The following KCTD16 variants were observed in gnomAD, a reference collection of about 807,000 sequenced individuals.
KCTD16 encodes BTB/POZ domain-containing protein KCTD16.
KCTD16 carries 13 observed loss-of-function variants against 33.2 expected under a neutral mutation model. That is an observed-to-expected ratio of 0.39 (90% CI 0.25 to 0.62). The LOEUF is 0.62. Ranked by LOEUF, KCTD16 falls within the 20% of genes least tolerant of loss-of-function variation. The pLI, the probability that KCTD16 is intolerant of heterozygous loss-of-function variation, is 0.50. For missense variants in KCTD16, 441 were observed against 525.1 expected (o/e 0.84, Z 1.57); for synonymous variants, 197 against 195.3 (o/e 1.01, Z -0.07).
chr5:144,455,900 A>T (rs558512242), intron 3 of KCTD16, among the ~76,000 whole-genome samples: 9 of 152,214 alleles, frequency 5.9e-5, no homozygotes, highest in Non-Finnish European at 1.3e-4. Context: ...AGAAGTGAAC[A>T]CTGTGCCCAG....
intron 3 of KCTD16, among the ~76,000 whole-genome samples, chr5:144,345,165 T>G (rs954999725): frequency 7.9e-6 from 1 of 126,342 alleles, no homozygotes; most frequent in Admixed American, 1.0e-4. Flanking sequence ...TGAGAACACA[T>G]GGACACAGGA....
chr5:144,411,819 G>T lies in KCTD16; in HGVS notation c.833-61841G>T, dbSNP rs528947288. Among the ~76,000 whole-genome samples, 305 of 152,116 alleles carry T rather than the reference G, an allele frequency of 2.0e-3. 1 individual carries two copies. The highest frequency in any genetic ancestry group is 7.1e-3 in the African/African-American group (293 of 41,524). On this transcript the variant is annotated intron_variant, in intron 3 of 3. Coordinates refer to ENST00000512467, the MANE Select transcript of KCTD16 (RefSeq NM_020768.4). ...GATTAATAACCACAACATACAAGGA[G>T]CTCAAGCAACTCAATAGCAAAAATA... is the stretch of plus-strand genomic sequence containing the variant.
At chr5:144,286,490 C>T (rs187932551) in intron 3 of KCTD16, among the ~76,000 whole-genome samples, 5 of 152,328 alleles carry the variant, frequency 3.3e-5, no homozygotes, top group Admixed American at 2.6e-4. Flanking sequence ...TTGAGCTGCA[C>T]TACTTAACAA....
At chr5:144,429,536 A>G (rs1673905439) in intron 3 of KCTD16, among the ~76,000 whole-genome samples, 1 of 152,068 alleles carries the variant, frequency 6.6e-6, no homozygotes, top group Admixed American at 6.6e-5. Context: ...GTTGGATCAC[A>G]TACCTCTCTT....
chr5:144,212,566 A>C (rs1256061152), intron 3 of KCTD16, among the ~76,000 whole-genome samples: 2 of 152,214 alleles, frequency 1.3e-5, no homozygotes, highest in Admixed American at 1.3e-4. Context: ...GAAGTAGCTG[A>C]GAATGTGCCA....
rs1367389589 is a variant in KCTD16, at chr5:144,485,410, TA to T, written c.*11302del. 1.3e-5 allele frequency: 2 copies of T among 151,926 alleles called. No individual in the cohort carries two copies. Among genetic ancestry groups the T allele is most frequent in the Non-Finnish European group, 2.9e-5 (2 of 67,900 alleles). The allele number at this position is 151,926 out of a possible 1,614,324, so 9.4% of individuals were successfully genotyped here. On this transcript the variant is annotated 3_prime_UTR_variant, in exon 4 of 4. Coordinates refer to ENST00000512467, the MANE Select transcript of KCTD16 (RefSeq NM_020768.4). ...TTTTCTTTGGATTCATTGATGGATA[TA>T]AAAAATTAATTTGCTATTAACTGCT...
chr5:144,196,464 C>T (rs1337402270), intron 2 of KCTD16, among the ~76,000 whole-genome samples: 3 of 152,098 alleles, frequency 2.0e-5, no homozygotes, highest in Non-Finnish European at 4.4e-5. Flanking sequence ...ATTATTTCTC[C>T]ATCCCTAGCC....
intron 3 of KCTD16, among the ~76,000 whole-genome samples, chr5:144,304,007 T>C (rs530841237): frequency 3.1e-4 from 47 of 152,294 alleles, no homozygotes; most frequent in African/African-American, 1.1e-3. Context: ...ATAATTGCCA[T>C]TTTACCACTC....
At chr5:144,449,165 T>A (rs1753886957) in intron 3 of KCTD16, among the ~76,000 whole-genome samples, 1 of 151,984 alleles carries the variant, frequency 6.6e-6, no homozygotes, top group Non-Finnish European at 1.5e-5. Context: ...GAGCAGATGG[T>A]CTCTTTTTCA....
intron 3 of KCTD16, among the ~76,000 whole-genome samples, chr5:144,389,685 GT>G (rs771513390): frequency 4.0e-4 from 60 of 151,598 alleles, no homozygotes; most frequent in Non-Finnish European, 7.7e-4. Context: ...GGAAAAAATT[GT>G]CTTCCACGAA....
At chr5:144,418,824 G>C (rs910872997) in intron 3 of KCTD16, among the ~76,000 whole-genome samples, 2 of 152,078 alleles carry the variant, frequency 1.3e-5, no homozygotes, top group African/African-American at 4.8e-5. Flanking sequence ...TGTATATCGA[G>C]TTGTATCACA....
intron 3 of KCTD16, among the ~76,000 whole-genome samples, chr5:144,300,729 G>T (rs549649330): frequency 3.9e-5 from 6 of 152,224 alleles, no homozygotes; most frequent in African/African-American, 1.4e-4. Context: ...ATGTGGTTGG[G>T]CAAAACAGGA....
intron 3 of KCTD16, among the ~76,000 whole-genome samples, chr5:144,222,119 T>C (rs1371312807): frequency 6.6e-6 from 1 of 152,120 alleles, no homozygotes; most frequent in Non-Finnish European, 1.5e-5. Flanking sequence ...TTGTTTGTTT[T>C]TTTCTTGTGA....
chr5:144,200,424 G>A (rs1476052686), intron 2 of KCTD16, among the ~76,000 whole-genome samples: 1 of 152,190 alleles, frequency 6.6e-6, no homozygotes, highest in East Asian at 1.9e-4. Context: ...GATTATACAA[G>A]TCTAATCCAA....
chr5:144,334,191 C>T (rs1752423560), intron 3 of KCTD16, among the ~76,000 whole-genome samples: 1 of 152,142 alleles, frequency 6.6e-6, no homozygotes, highest in Admixed American at 6.5e-5. Flanking sequence ...ATTTATAAAT[C>T]TCCACTCAGA....
chr5:144,299,072 A>T (rs865924344), intron 3 of KCTD16, among the ~76,000 whole-genome samples: 1,031 of 57,374 alleles, frequency 0.018, 82 homozygotes, highest in African/African-American at 0.052. Flanking sequence ...ATATATATAT[A>T]TTTTTGTATA....
intron 3 of KCTD16, among the ~76,000 whole-genome samples, chr5:144,253,206 T>C (rs1754751596): frequency 6.6e-6 from 1 of 152,154 alleles, no homozygotes; most frequent in African/African-American, 2.4e-5. Flanking sequence ...TGCAGGTAGA[T>C]ACACATCTAC....
intron 3 of KCTD16, among the ~76,000 whole-genome samples, chr5:144,299,072 A>ATATATATATATATATATATTTT (rs1491103244): frequency 1.6e-4 from 9 of 57,432 alleles, no homozygotes; most frequent in Non-Finnish European, 2.7e-4. Context: ...ATATATATAT[A>ATATATATATATATATATATTTT]TTTTTGTATA....
chr5:144,274,747 T>C (rs940121412), intron 3 of KCTD16, among the ~76,000 whole-genome samples: 2 of 152,178 alleles, frequency 1.3e-5, no homozygotes, highest in African/African-American at 4.8e-5. Context: ...TCTTTTCTTA[T>C]AATGAACCCA....
Sources: allele counts gnomAD v4.1 joint callset (sites outside exome capture counted in the v4.1 genomes callset), GRCh38; gene constraint gnomAD v4.1.1; transcripts MANE v1.5; gene names NCBI Gene and HGNC (gene_info 2026-07-23, HGNC 2026-07-21).